The following EIF2B3 variants were observed in gnomAD, a reference collection of about 807,000 sequenced individuals.
EIF2B3 encodes the protein translation initiation factor eIF2B subunit gamma.
In EIF2B3, 20 loss-of-function variants were observed where a neutral mutation model predicts 54.1. That is an observed-to-expected ratio of 0.37 (90% CI 0.26 to 0.54). EIF2B3 has a LOEUF of 0.54. EIF2B3 is among the 20% of genes least tolerant of loss of function. The probability of loss-of-function intolerance (pLI) is 0.86; values close to 1 mark genes in which losing one functional copy is unlikely to be tolerated. For missense variants in EIF2B3, 448 were observed against 547.8 expected (o/e 0.82, Z 1.82); for synonymous variants, 153 against 188.1 (o/e 0.81, Z 1.52).
In EIF2B3 at chr1:44,969,049, C is replaced by T. The variant is rs577647; in HGVS notation, c.294+9266G>A. On this transcript the variant is annotated intron_variant, in intron 3 of 11. Coordinates refer to ENST00000360403, the MANE Select transcript of EIF2B3 (RefSeq NM_020365.5). ...CCTTTAGGAATCTATTAGAAATAAG[C>T]TTCAGACAAATGACTGGAGACACAA... Among the ~76,000 whole-genome samples, 1,027 of 152,220 alleles carry T rather than the reference C, an allele frequency of 6.7e-3. 13 individuals are homozygous for T. Among genetic ancestry groups the T allele is most frequent in the African/African-American group, 0.023 (975 of 41,528 alleles).
chr1:44,952,121 C>A (rs1644170284), intron 3 of EIF2B3, among the ~76,000 whole-genome samples: 1 of 137,972 alleles, frequency 7.2e-6, no homozygotes, highest in Non-Finnish European at 1.6e-5. Context: ...CGCCACTACG[C>A]CCGGCTAATT....
intron 11 of EIF2B3, among the ~76,000 whole-genome samples, chr1:44,856,144 T>C (rs139967092): frequency 2.5e-3 from 387 of 152,256 alleles, no homozygotes; most frequent in Non-Finnish European, 4.0e-3. Flanking sequence ...CAAGGAGTAG[T>C]GCATATACCT....
At chr1:44,925,482 G>A (rs1018077201) in intron 5 of EIF2B3, among the ~76,000 whole-genome samples, 3 of 152,110 alleles carry the variant, frequency 2.0e-5, no homozygotes, top group African/African-American at 7.2e-5. Context: ...AAGTAGAATC[G>A]TGGGTAGCAA....
chr1:44,920,518 C>G (rs1039123459), intron 5 of EIF2B3, among the ~76,000 whole-genome samples: 1 of 151,976 alleles, frequency 6.6e-6, no homozygotes, highest in Non-Finnish European at 1.5e-5. Context: ...TTAACCATTC[C>G]CCACTCCCAC....
intron 5 of EIF2B3, among the ~76,000 whole-genome samples, chr1:44,912,403 T>C (rs1002748549): frequency 5.9e-5 from 9 of 152,208 alleles, no homozygotes; most frequent in Admixed American, 3.3e-4. Flanking sequence ...CAGATTATTT[T>C]TTTTCAGAAT....
intron 3 of EIF2B3, among the ~76,000 whole-genome samples, chr1:44,951,469 C>CT (rs138252066): frequency 0.039 from 3,128 of 79,602 alleles, 52 homozygotes; most frequent in Admixed American, 0.054. Context: ...GTTTACACAG[C>CT]TTATGTGGTC....
At chr1:44,977,147 T>C (rs1392296001) in intron 3 of EIF2B3, among the ~76,000 whole-genome samples, 2 of 152,204 alleles carry the variant, frequency 1.3e-5, no homozygotes, top group Non-Finnish European at 2.9e-5. Flanking sequence ...TCAAGTAATA[T>C]GGCAACATCA....
intron 4 of EIF2B3, among the ~76,000 whole-genome samples, chr1:44,930,111 G>A (rs772516783): frequency 2.0e-5 from 3 of 151,604 alleles, no homozygotes; most frequent in Admixed American, 6.6e-5. Context: ...TTACTTTTCT[G>A]ACTGATTCTT....
chr1:44,891,479 A>G (rs865929104), intron 6 of EIF2B3, among the ~76,000 whole-genome samples: 2 of 152,066 alleles, frequency 1.3e-5, no homozygotes, highest in East Asian at 3.9e-4. Flanking sequence ...CCTTCAATCC[A>G]TCCTCTATTT....
chr1:44,978,880 G>A (rs1256277088), intron 2 of EIF2B3, among the ~76,000 whole-genome samples: 2 of 151,284 alleles, frequency 1.3e-5, no homozygotes, highest in Non-Finnish European at 2.9e-5. Flanking sequence ...CAAAGGATCC[G>A]CCAGCCTTGG....
At chr1:44,940,232 G>A (rs964846507) in intron 4 of EIF2B3, among the ~76,000 whole-genome samples, 4 of 152,054 alleles carry the variant, frequency 2.6e-5, no homozygotes, top group Non-Finnish European at 4.4e-5. Flanking sequence ...GCTATACATA[G>A]TCTAATAATT....
chr1:44,984,640 T>A (rs1208006013), intron 1 of EIF2B3, among the ~76,000 whole-genome samples: 2 of 152,094 alleles, frequency 1.3e-5, no homozygotes, highest in Admixed American at 1.3e-4. Context: ...CTAGCTCTAC[T>A]ATTTATTATT....
intron 3 of EIF2B3, among the ~76,000 whole-genome samples, chr1:44,960,595 G>A (rs577092308): frequency 6.6e-6 from 1 of 151,702 alleles, no homozygotes; most frequent in African/African-American, 2.4e-5. Flanking sequence ...CCGAGATCGC[G>A]CCACTGCACT....
intron 3 of EIF2B3, among the ~76,000 whole-genome samples, chr1:44,972,956 G>C (rs1449388718): frequency 1.3e-5 from 2 of 152,288 alleles, no homozygotes; most frequent in East Asian, 3.9e-4. Flanking sequence ...TAGGAGCATC[G>C]CTTGACCCTG....
At chr1:44,959,328 T>C in intron 3 of EIF2B3, 1 of 609,676 alleles carries the variant, frequency 1.6e-6, no homozygotes, top group Non-Finnish European at 3.0e-6. Context: ...GTTTTGCCTC[T>C]CCTCTCTGAG....
chr1:44,956,099 G>A (rs1029518096), intron 3 of EIF2B3, among the ~76,000 whole-genome samples: 1 of 152,142 alleles, frequency 6.6e-6, no homozygotes, highest in Non-Finnish European at 1.5e-5. Context: ...CAATAGCTAA[G>A]ACTTGGAACC....
chr1:44,982,712 T>C (rs930458238), intron 1 of EIF2B3, among the ~76,000 whole-genome samples: 2 of 151,574 alleles, frequency 1.3e-5, no homozygotes, highest in Non-Finnish European at 2.9e-5. Context: ...GCAATCCTCC[T>C]GCCCCAACCT....
intron 5 of EIF2B3, among the ~76,000 whole-genome samples, chr1:44,912,277 G>C (rs1051228981): frequency 6.6e-5 from 10 of 152,300 alleles, no homozygotes; most frequent in African/African-American, 2.4e-4. Context: ...ATCACAATTA[G>C]TTTTCCTTTC....
In EIF2B3 at chr1:44,886,757, C is replaced by T. The variant is rs140521940; in HGVS notation, c.657-5018G>A. Among the ~76,000 whole-genome samples, 524 of 152,360 alleles carry T rather than the reference C, an allele frequency of 3.4e-3. 3 individuals carry two copies. The Middle Eastern group carries it at 0.051, about 15-fold the overall frequency. ...CCAATCCAGTTGTTTTTGTACCTCACTTCTGATTTCTGTACGTCACTTCCT... is the reference window on the plus strand; with the variant it reads ...CCAATCCAGTTGTTTTTGTACCTCATTTCTGATTTCTGTACGTCACTTCCT... On this transcript the variant is annotated intron_variant, in intron 6 of 11. Transcript: ENST00000360403.
Sources: allele counts gnomAD v4.1 joint callset (sites outside exome capture counted in the v4.1 genomes callset), GRCh38; gene constraint gnomAD v4.1.1; transcripts MANE v1.5; gene names NCBI Gene and HGNC (gene_info 2026-07-23, HGNC 2026-07-21).